PHACTR3: variants seen among roughly 807,000 people sequenced by gnomAD.
PHACTR3 encodes protein phosphatase 1, regulatory subunit 123.
A neutral mutation model predicts 66.8 loss-of-function variants in PHACTR3; 16 were observed. The ratio of observed to expected loss-of-function variants is 0.24; its 90% CI spans 0.16 to 0.36. PHACTR3 has a LOEUF of 0.36. Among genes scored for constraint, PHACTR3 ranks in the 10% least tolerant of loss-of-function variants. PHACTR3 has a pLI of 1.00. For synonymous variants in PHACTR3, 323 were observed against 292.1 expected (o/e 1.11, Z -1.08); for missense variants, 647 against 719.9 (o/e 0.90, Z 1.16).
intron 3 of PHACTR3, among the ~76,000 whole-genome samples, chr20:59,750,758 G>C (rs1052781349): frequency 2.0e-5 from 3 of 152,192 alleles, no homozygotes; most frequent in Admixed American, 6.5e-5. Context: ...TCTGGGAGGG[G>C]ACTTGGACTT....
chr20:59,742,211 T>C (rs956309820), intron 1 of PHACTR3, among the ~76,000 whole-genome samples: 16 of 152,236 alleles, frequency 1.1e-4, no homozygotes, highest in African/African-American at 2.7e-4. Flanking sequence ...CTCAGATCAG[T>C]TTCCTGTCCG....
intron 7 of PHACTR3, among the ~76,000 whole-genome samples, chr20:59,786,661 G>T (rs553381085): frequency 6.6e-6 from 1 of 152,024 alleles, no homozygotes. Flanking sequence ...TGCCATTGAC[G>T]GGTGTCCATG....
At chr20:59,617,108 G>A (rs1365335249) in intron 1 of PHACTR3, among the ~76,000 whole-genome samples, 2 of 151,882 alleles carry the variant, frequency 1.3e-5, no homozygotes, top group Non-Finnish European at 1.5e-5. Flanking sequence ...TTTTCTTTAG[G>A]GATTTGTGTT....
intron 2 of PHACTR3, among the ~76,000 whole-genome samples, chr20:59,746,732 A>G (rs1288423023): frequency 1.3e-5 from 2 of 152,224 alleles, no homozygotes; most frequent in African/African-American, 4.8e-5. Flanking sequence ...CCCTGCACAC[A>G]CAGAACACTG....
intron 7 of PHACTR3, among the ~76,000 whole-genome samples, chr20:59,797,732 G>C (rs556280903): frequency 3.9e-5 from 6 of 152,134 alleles, no homozygotes; most frequent in Non-Finnish European, 8.8e-5. Flanking sequence ...TGAGGTAATT[G>C]TGTGCTTTCC....
chr20:59,666,189 G>T (rs148034132), intron 1 of PHACTR3, among the ~76,000 whole-genome samples: 2 of 152,300 alleles, frequency 1.3e-5, no homozygotes, highest in Non-Finnish European at 2.9e-5. Context: ...CAATATGCTG[G>T]TGTGTGAAGG....
Position 59,774,467 on chromosome 20 carries a change from C to T in PHACTR3, c.1151C>T (p.Ala384Val), listed in dbSNP as rs766325247. The part of the protein sequence containing the change: ...DDLLLYQDEE[A>V]LNDSIISGTL... ...TTGCTTTTGTATCAGGACGAGGAGGCGCTGAACGACTCCATTATTTCTGGT... is the reference window on the plus strand; with the variant it reads ...TTGCTTTTGTATCAGGACGAGGAGGTGCTGAACGACTCCATTATTTCTGGT... The change falls in exon 7 of 13, where the codon GCG (alanine) becomes GTG (valine). Residue 384 changes from alanine (A) to valine (V), a missense_variant. Physicochemically the swap from Ala to Val is moderately conservative, Grantham distance 64. Around this residue, in one of 2 missense-constraint regions of PHACTR3, gnomAD observed 577 missense variants for 571.1 expected, o/e 1.01. Coordinates refer to ENST00000371015, the MANE Select transcript of PHACTR3 (RefSeq NM_080672.5). 1.6e-5 allele frequency: 26 copies of T among 1,613,748 alleles called. No homozygotes were observed. Among genetic ancestry groups the T allele is most frequent in the East Asian group, 2.2e-5 (1 of 44,884 alleles).
At position 59,774,241 on chromosome 20, in the gene PHACTR3, A is replaced by C; in HGVS notation, c.927-2A>C. 6.3e-7 allele frequency: 1 copy of C among 1,576,694 alleles called. No individual in the cohort carries two copies. The highest frequency in any genetic ancestry group is 8.6e-7 in the Non-Finnish European group (1 of 1,164,230). On this transcript the variant is annotated splice_acceptor_variant, in intron 6 of 12. Transcript: ENST00000371015. LOFTEE classifies it high-confidence loss of function. The stretch of plus-strand genomic sequence containing the variant: ...ATAACCTGAACCATCTTTCTGGTTT[A>C]GTTTTCAAGGAAGAGAAAGTAAAGG...
chr20:59,687,409 TAATAAG>T (rs779750453), intron 1 of PHACTR3, among the ~76,000 whole-genome samples: 5 of 152,110 alleles, frequency 3.3e-5, no homozygotes, highest in Non-Finnish European at 7.4e-5. Flanking sequence ...ACTACTGAGT[TAATAAG>T]AAGAAAGGTA....
chr20:59,643,147 G>T (rs2035164814), intron 1 of PHACTR3, among the ~76,000 whole-genome samples: 1 of 152,160 alleles, frequency 6.6e-6, no homozygotes, highest in Admixed American at 6.5e-5. Flanking sequence ...TCATGACCTT[G>T]TGATCCGCCC....
At chr20:59,590,347 G>T (rs1300526091) in intron 1 of PHACTR3, among the ~76,000 whole-genome samples, 1 of 152,118 alleles carries the variant, frequency 6.6e-6, no homozygotes, top group African/African-American at 2.4e-5. Context: ...CTGTGTTTGG[G>T]GTTTCTCTGG....
intron 6 of PHACTR3, 89 bp from the exon 7 acceptor site, chr20:59,774,153 TG>T: frequency 1.3e-6 from 2 of 1,487,026 alleles, no homozygotes; most frequent in Non-Finnish European, 1.8e-6. Flanking sequence ...GGGCTGCCTC[TG>T]TGATATTCAT....
In PHACTR3 at chr20:59,735,964, G is replaced by A. The variant is rs2146736200; in HGVS notation, c.119-7143G>A. On this transcript the variant is annotated intron_variant, in intron 1 of 12. Coordinates refer to ENST00000371015, the MANE Select transcript of PHACTR3 (RefSeq NM_080672.5). ...GTCCTAGAACAGTTCTTGCCTCATA[G>A]CTCTGTGTGGCTGTTGATGGGGGAA... Among the ~76,000 whole-genome samples, 2 of 152,238 alleles carry A rather than the reference G, an allele frequency of 1.3e-5. 1 individual carries two copies. The highest frequency in any genetic ancestry group is 1.3e-4 in the Admixed American group (2 of 15,306).
chr20:59,727,725 G>A (rs927500132), intron 1 of PHACTR3, among the ~76,000 whole-genome samples: 27 of 152,134 alleles, frequency 1.8e-4, no homozygotes, highest in Non-Finnish European at 1.2e-4. Context: ...TCTGAAATTC[G>A]AAACTTTTTT....
intron 7 of PHACTR3, among the ~76,000 whole-genome samples, chr20:59,798,171 T>C (rs2041308024): frequency 6.6e-6 from 1 of 152,194 alleles, no homozygotes; most frequent in East Asian, 1.9e-4. Flanking sequence ...CTAGGTGTCC[T>C]TACATGACAA....
At chr20:59,840,791 C>T (rs1026962876) in intron 10 of PHACTR3, among the ~76,000 whole-genome samples, 13 of 152,230 alleles carry the variant, frequency 8.5e-5, no homozygotes, top group Non-Finnish European at 1.3e-4. Flanking sequence ...TTACACTCAT[C>T]GCTTTTGTTC....
intron 5 of PHACTR3, among the ~76,000 whole-genome samples, chr20:59,771,542 C>A (rs2040361170): frequency 6.6e-6 from 1 of 151,940 alleles, no homozygotes; most frequent in South Asian, 2.1e-4. Context: ...CTCCCCCCGA[C>A]CAGCCCAGTA....
chr20:59,586,705 G>A (rs1420046705), intron 1 of PHACTR3, among the ~76,000 whole-genome samples: 2 of 152,144 alleles, frequency 1.3e-5, no homozygotes, highest in Non-Finnish European at 2.9e-5. Flanking sequence ...GATTGGAGAG[G>A]AGCCACTCTG....
At position 59,773,402 on chromosome 20, in the gene PHACTR3, G is replaced by A. The variant is rs201342604; in HGVS notation, c.875G>A (p.Arg292His). 3.7e-6 allele frequency: 6 copies of A among 1,614,022 alleles called. No homozygotes were observed. The highest frequency in any genetic ancestry group is 3.3e-5 in the Admixed American group (2 of 60,028). Residue 292 changes from arginine (R) to histidine (H), a missense_variant, in exon 6 of 13, where the codon CGC becomes CAC. Arg to His is a conservative substitution (Grantham distance 29). Around this residue, in one of 2 missense-constraint regions of PHACTR3, gnomAD observed 577 missense variants for 571.1 expected, o/e 1.01. Coordinates refer to ENST00000371015, the MANE Select transcript of PHACTR3 (RefSeq NM_080672.5). ...TTVHRPLPPS[R>H]VIEELHRALA... Reference sequence around the variant, plus strand: ...GTCCACCGGCCTCTTCCCCCAAGCCGCGTCATTGAGGAGCTGCACAGGGCG... The same window carrying A: ...GTCCACCGGCCTCTTCCCCCAAGCCACGTCATTGAGGAGCTGCACAGGGCG...
Sources: gnomAD v4.1 joint callset for allele counts (sites outside exome capture counted in the v4.1 genomes callset) on GRCh38, gnomAD v4.1.1 for gene constraint, gnomAD v4.1.1 regional missense constraint, MANE v1.5 for transcripts, NCBI Gene and HGNC (gene_info 2026-07-23, HGNC 2026-07-21) for gene names.